The following GRM5 variants were observed in gnomAD, a reference collection of about 807,000 sequenced individuals.
GRM5 encodes glutamate metabotropic receptor 5, also known as metabotropic glutamate receptor 5.
In GRM5, 19 loss-of-function variants were observed where a neutral mutation model predicts 83.1. The observed-to-expected ratio is 0.23, with a 90% CI of 0.16 to 0.34. GRM5 has a LOEUF of 0.34. GRM5 is among the 10% of genes least tolerant of loss of function. The probability of loss-of-function intolerance (pLI) is 1.00; values close to 1 mark genes in which losing one functional copy is unlikely to be tolerated. For missense variants in GRM5, 1,160 were observed against 1,588.3 expected, an observed-to-expected ratio of 0.73 and a Z score of 4.58; for synonymous variants, 675 against 633.6, an observed-to-expected ratio of 1.07 and a Z score of -0.98.
At chr11:88,772,549 ATCAAC>A (rs1942761290) in intron 3 of GRM5, among the ~76,000 whole-genome samples, 1 of 152,000 alleles carries the variant, frequency 6.6e-6, no homozygotes, top group African/African-American at 2.4e-5. Flanking sequence ...TGCTGCACCC[ATCAAC>A]TCATCATTTA....
chr11:88,912,861 T>C (rs913167109), intron 2 of GRM5, among the ~76,000 whole-genome samples: 2 of 152,212 alleles, frequency 1.3e-5, no homozygotes, highest in African/African-American at 2.4e-5. Flanking sequence ...TATTGACCTG[T>C]TGTCCTCATG....
chr11:88,923,033 C>A (rs540098295), intron 2 of GRM5, among the ~76,000 whole-genome samples: 41 of 130,262 alleles, frequency 3.1e-4, no homozygotes, highest in African/African-American at 1.2e-3. Flanking sequence ...ATGATTTCAT[C>A]TCACCCATTT....
intron 4 of GRM5, among the ~76,000 whole-genome samples, chr11:88,609,900 A>G (rs1460490507): frequency 1.3e-5 from 2 of 152,138 alleles, no homozygotes; most frequent in Non-Finnish European, 2.9e-5. Flanking sequence ...ATTTTGAGTT[A>G]ATTTTTGCAT....
chr11:88,536,558 C>T (rs575295232), intron 8 of GRM5, among the ~76,000 whole-genome samples: 93 of 152,240 alleles, frequency 6.1e-4, no homozygotes, highest in South Asian at 4.4e-3. Context: ...CCCCTTTGTA[C>T]CAACACAAAG....
intron 9 of GRM5, among the ~76,000 whole-genome samples, chr11:88,514,788 GC>G (rs1411019982): frequency 2.0e-5 from 3 of 152,130 alleles, no homozygotes; most frequent in Non-Finnish European, 4.4e-5. Context: ...TATTAACGAG[GC>G]CTTAAAGCTT....
At chr11:88,843,285 C>T (rs1460541241) in intron 3 of GRM5, among the ~76,000 whole-genome samples, 1 of 151,988 alleles carries the variant, frequency 6.6e-6, no homozygotes, top group Non-Finnish European at 1.5e-5. Flanking sequence ...ATTATTATTT[C>T]AATTTACATG....
intron 2 of GRM5, among the ~76,000 whole-genome samples, chr11:88,897,924 GC>G (rs1189818894): frequency 6.6e-6 from 1 of 151,872 alleles, no homozygotes; most frequent in African/African-American, 2.4e-5. Context: ...CTACTTACTA[GC>G]CCCATGTTTG....
chr11:88,733,933 T>G (rs151185420), intron 3 of GRM5, among the ~76,000 whole-genome samples: 12 of 152,100 alleles, frequency 7.9e-5, no homozygotes, highest in Non-Finnish European at 1.3e-4. Flanking sequence ...TCTTGCTGAT[T>G]CTAGATCACT....
intron 2 of GRM5, among the ~76,000 whole-genome samples, chr11:88,937,632 A>T (rs186632136): frequency 1.3e-5 from 2 of 151,868 alleles, no homozygotes; most frequent in Non-Finnish European, 3.0e-5. Context: ...TCTGTAACAC[A>T]AGTTTGTTGG....
chr11:88,907,202 G>T (rs1311718856), intron 2 of GRM5, among the ~76,000 whole-genome samples: 1 of 152,058 alleles, frequency 6.6e-6, no homozygotes, highest in Non-Finnish European at 1.5e-5. Context: ...GTACTTAGAG[G>T]CTTGTCTGGA....
chr11:88,844,523 T>C (rs1944265396), intron 3 of GRM5, among the ~76,000 whole-genome samples: 1 of 100,158 alleles, frequency 1.0e-5, no homozygotes, highest in East Asian at 3.5e-4. Flanking sequence ...CAATATCCAT[T>C]CTTCAGCCTA....
At chr11:88,977,287 A>G (rs964002010) in intron 2 of GRM5, among the ~76,000 whole-genome samples, 3 of 151,888 alleles carry the variant, frequency 2.0e-5, no homozygotes, top group Non-Finnish European at 1.5e-5. Context: ...ATCTCAGCTC[A>G]CTGCAAGCTC....
intron 2 of GRM5, among the ~76,000 whole-genome samples, chr11:89,027,941 A>G (rs1286889863): frequency 3.9e-5 from 6 of 152,152 alleles, no homozygotes; most frequent in Admixed American, 3.9e-4. Flanking sequence ...TTGTAGAATT[A>G]ATGCCATTTT....
intron 2 of GRM5, among the ~76,000 whole-genome samples, chr11:88,886,468 G>A (rs1761566407): frequency 6.6e-6 from 1 of 152,124 alleles, no homozygotes; most frequent in Admixed American, 6.5e-5. Flanking sequence ...AATTAGCATG[G>A]CTGCCAGCCT....
At chr11:89,051,028 T>C (rs559740284) in intron 1 of GRM5, among the ~76,000 whole-genome samples, 2 of 152,144 alleles carry the variant, frequency 1.3e-5, no homozygotes, top group South Asian at 4.1e-4. Context: ...GATGAAATAA[T>C]ACGTACAACA....
intron 7 of GRM5, among the ~76,000 whole-genome samples, chr11:88,571,196 G>C (rs1025772559): frequency 6.6e-6 from 1 of 151,968 alleles, no homozygotes; most frequent in Non-Finnish European, 1.5e-5. Context: ...ATTTTTATCA[G>C]ATATATTTTT....
chr11:88,880,515 A>G (rs1323458993), intron 2 of GRM5, among the ~76,000 whole-genome samples: 2 of 152,160 alleles, frequency 1.3e-5, no homozygotes, highest in East Asian at 1.9e-4. Flanking sequence ...CCTTCCTTAT[A>G]TTTACATTTA....
intron 7 of GRM5, among the ~76,000 whole-genome samples, chr11:88,572,435 T>C (rs2135180221): frequency 6.6e-6 from 1 of 152,324 alleles, no homozygotes; most frequent in African/African-American, 2.4e-5. Context: ...AGTTCTGTTT[T>C]ACTTTTTAAA....
At chr11:88,723,826 A>G (rs1941606922) in intron 3 of GRM5, among the ~76,000 whole-genome samples, 1 of 152,004 alleles carries the variant, frequency 6.6e-6, no homozygotes, top group African/African-American at 2.4e-5. Flanking sequence ...CTCTTTGTTC[A>G]CTTGGCAGCC....
Sources: allele counts gnomAD v4.1 joint callset (sites outside exome capture counted in the v4.1 genomes callset), GRCh38; gene constraint gnomAD v4.1.1; transcripts MANE v1.5; gene names NCBI Gene and HGNC (gene_info 2026-07-23, HGNC 2026-07-21).